The following CPQ variants were observed in gnomAD, a reference collection of about 807,000 sequenced individuals.
CPQ encodes Ser-Met dipeptidase.
In CPQ, 37 loss-of-function variants were observed where a neutral mutation model predicts 45.7. The observed-to-expected ratio is 0.81, with a 90% CI of 0.62 to 1.07. CPQ has a LOEUF of 1.07. CPQ is among the 50% of genes least tolerant of loss of function. CPQ has a pLI of 0.00. For missense variants in CPQ, 537 were observed against 572.9 expected (o/e 0.94, Z 0.64); for synonymous variants, 186 against 205.8 (o/e 0.90, Z 0.82).
chr8:97,061,895 T>C (rs996420954), intron 6 of CPQ, among the ~76,000 whole-genome samples: 2 of 152,130 alleles, frequency 1.3e-5, no homozygotes, highest in Non-Finnish European at 2.9e-5. Context: ...ATCATCCCCA[T>C]TACAGCTAAA....
chr8:96,774,795 C>T (rs1563493669), intron 1 of CPQ, among the ~76,000 whole-genome samples: 1 of 152,142 alleles, frequency 6.6e-6, no homozygotes, highest in Non-Finnish European at 1.5e-5. Flanking sequence ...CTAAACACAG[C>T]ATAGTCATAG....
intron 7 of CPQ, among the ~76,000 whole-genome samples, chr8:97,127,839 A>G (rs1367752108): frequency 6.6e-6 from 1 of 152,250 alleles, no homozygotes; most frequent in Non-Finnish European, 1.5e-5. Flanking sequence ...CAGACACAAG[A>G]GATCACACTG....
chr8:96,914,841 T>G (rs1250106221), intron 4 of CPQ, among the ~76,000 whole-genome samples: 1 of 152,042 alleles, frequency 6.6e-6, no homozygotes, highest in East Asian at 1.9e-4. Flanking sequence ...TTGGAAAAAT[T>G]TGTTGATGTA....
intron 5 of CPQ, among the ~76,000 whole-genome samples, chr8:96,993,373 C>A (rs1443306942): frequency 6.6e-6 from 1 of 152,122 alleles, no homozygotes. Context: ...CAAGCTTATG[C>A]ATCATCAGGC....
chr8:96,782,618 G>A (rs184531305), intron 1 of CPQ, among the ~76,000 whole-genome samples: 30 of 152,212 alleles, frequency 2.0e-4, no homozygotes, highest in African/African-American at 7.0e-4. Context: ...CACATCTTTT[G>A]TTTGCACTCC....
intron 4 of CPQ, among the ~76,000 whole-genome samples, chr8:96,961,886 C>G (rs1813466641): frequency 6.6e-6 from 1 of 152,152 alleles, no homozygotes; most frequent in African/African-American, 2.4e-5. Context: ...TTTCCTCTCC[C>G]TAGTCCTGCC....
intron 7 of CPQ, among the ~76,000 whole-genome samples, chr8:97,109,762 G>A (rs1166442251): frequency 2.0e-5 from 3 of 151,870 alleles, no homozygotes; most frequent in East Asian, 1.9e-4. Context: ...TGCCTTACCC[G>A]CTGTTTTATG....
At chr8:96,666,438 G>T (rs979859879) in intron 1 of CPQ, among the ~76,000 whole-genome samples, 5 of 152,210 alleles carry the variant, frequency 3.3e-5, no homozygotes, top group African/African-American at 1.2e-4. Flanking sequence ...CGCCAGGAAA[G>T]ATTCTGATTT....
intron 4 of CPQ, among the ~76,000 whole-genome samples, chr8:96,911,282 C>T (rs986112699): frequency 1.3e-5 from 2 of 152,148 alleles, no homozygotes; most frequent in Admixed American, 6.5e-5. Context: ...TTTGCTACTT[C>T]AAAAATGCAC....
chr8:96,959,844 A>G (rs1415631935), intron 4 of CPQ, among the ~76,000 whole-genome samples: 2 of 151,446 alleles, frequency 1.3e-5, no homozygotes, highest in African/African-American at 4.9e-5. Flanking sequence ...AAGTAAAATT[A>G]AGACTAGGAG....
At chr8:96,968,917 C>T (rs898401517) in intron 5 of CPQ, among the ~76,000 whole-genome samples, 8 of 152,196 alleles carry the variant, frequency 5.3e-5, no homozygotes, top group Non-Finnish European at 1.0e-4. Context: ...TGCTGTGAAG[C>T]GTCGTTGAAT....
intron 4 of CPQ, among the ~76,000 whole-genome samples, chr8:96,951,376 G>GC (rs1210111296): frequency 6.6e-6 from 1 of 152,058 alleles, no homozygotes; most frequent in African/African-American, 2.4e-5. Context: ...CCAGTCTATG[G>GC]CCAGTCTTGC....
At chr8:96,829,738 T>C (rs776512477) in intron 2 of CPQ, among the ~76,000 whole-genome samples, 1 of 152,178 alleles carries the variant, frequency 6.6e-6, no homozygotes, top group Admixed American at 6.6e-5. Flanking sequence ...TGCTGATTTA[T>C]GTTCTCTCAT....
rs1327492855 is a variant in CPQ, at chr8:97,098,646, G to A, written c.1255+32436G>A. ...TGGCACACATTCACTGATGTTCTCT[G>A]GCACAAGGAAAACTCTCATCCTCTC... On this transcript the variant is annotated intron_variant, in intron 7 of 7. Transcript: ENST00000220763. Among the ~76,000 whole-genome samples, 3 of 152,206 alleles carry A rather than the reference G, an allele frequency of 2.0e-5. No homozygotes were observed. In the South Asian group the frequency reaches 6.2e-4, roughly 32 times the overall value.
intron 2 of CPQ, among the ~76,000 whole-genome samples, chr8:96,820,696 CT>C (rs1378694027): frequency 6.6e-6 from 1 of 151,938 alleles, no homozygotes; most frequent in Non-Finnish European, 1.5e-5. Context: ...ATGGCGTTTT[CT>C]TTCTTCATTC....
At chr8:96,794,201 C>T (rs1241690632) in intron 2 of CPQ, among the ~76,000 whole-genome samples, 2 of 152,210 alleles carry the variant, frequency 1.3e-5, no homozygotes, top group African/African-American at 4.8e-5. Flanking sequence ...CTACAGCAAA[C>T]TTCTACCTGG....
intron 3 of CPQ, among the ~76,000 whole-genome samples, chr8:96,837,944 C>T (rs1203463975): frequency 6.6e-6 from 1 of 152,186 alleles, no homozygotes; most frequent in Non-Finnish European, 1.5e-5. Context: ...CATGACTCCA[C>T]ATTCCAGCAG....
At chr8:96,897,033 T>C (rs1442683182) in intron 4 of CPQ, among the ~76,000 whole-genome samples, 1 of 152,190 alleles carries the variant, frequency 6.6e-6, no homozygotes, top group Non-Finnish European at 1.5e-5. Flanking sequence ...TTCTGCACCA[T>C]GTTATCACAT....
At chr8:97,047,732 T>C (rs899861427) in intron 6 of CPQ, among the ~76,000 whole-genome samples, 4 of 152,148 alleles carry the variant, frequency 2.6e-5, no homozygotes, top group African/African-American at 7.2e-5. Context: ...AGCTAAACAA[T>C]ACAGAAAAAT....
Sources: allele counts gnomAD v4.1 joint callset (sites outside exome capture counted in the v4.1 genomes callset), GRCh38; gene constraint gnomAD v4.1.1; transcripts MANE v1.5; gene names NCBI Gene and HGNC (gene_info 2026-07-23, HGNC 2026-07-21).